Variants in PPP1R12A observed in about 807,000 individuals in gnomAD.
The protein encoded by PPP1R12A is protein phosphatase 1 regulatory subunit 12A, also known as myosin binding subunit.
PPP1R12A carries 19 observed loss-of-function variants against 139.6 expected under a neutral mutation model. The observed-to-expected ratio is 0.14, with a 90% CI of 0.09 to 0.20. The LOEUF (loss-of-function observed/expected upper bound fraction) is 0.20. Ranked by LOEUF, PPP1R12A falls within the 10% of genes least tolerant of loss-of-function variation. The pLI is 1.00. For missense variants in PPP1R12A, 925 were observed against 1,211.5 expected (o/e 0.76, Z 3.51); for synonymous variants, 427 against 420.6 (o/e 1.02, Z -0.19).
intron 3 of PPP1R12A, among the ~76,000 whole-genome samples, chr12:79,842,202 C>T (rs1450965214): frequency 6.6e-6 from 1 of 152,054 alleles, no homozygotes; most frequent in African/African-American, 2.4e-5. Flanking sequence ...CGCCTACAGT[C>T]CCAGCTCCTC....
intron 19 of PPP1R12A, among the ~76,000 whole-genome samples, chr12:79,793,260 G>C (rs998596792): frequency 2.6e-5 from 4 of 152,102 alleles, no homozygotes; most frequent in Non-Finnish European, 4.4e-5. Flanking sequence ...CTTGCTGGCT[G>C]TGCAGCCTTG....
chr12:79,826,337 GTTTT>G (rs34658905), intron 5 of PPP1R12A, among the ~76,000 whole-genome samples: 1 of 117,192 alleles, frequency 8.5e-6, no homozygotes, highest in African/African-American at 3.3e-5. Context: ...ATTGTTTCGG[GTTTT>G]TTTTTTTTTT....
chr12:79,783,935 T>C (rs2136981178), intron 22 of PPP1R12A, among the ~76,000 whole-genome samples: 1 of 152,344 alleles, frequency 6.6e-6, no homozygotes, highest in South Asian at 2.1e-4. Flanking sequence ...AAACTGGTTC[T>C]GGTAAGCTGG....
At chr12:79,909,946 C>T (rs1341335140) in intron 1 of PPP1R12A, among the ~76,000 whole-genome samples, 4 of 151,810 alleles carry the variant, frequency 2.6e-5, no homozygotes, top group Admixed American at 1.3e-4. Context: ...GTGATCCGCC[C>T]GCCTTAGCCT....
chr12:79,924,093 A>C (rs1047900630), intron 1 of PPP1R12A, among the ~76,000 whole-genome samples: 3 of 152,174 alleles, frequency 2.0e-5, no homozygotes, highest in African/African-American at 7.2e-5. Flanking sequence ...GACCCATATA[A>C]AAGCAAGACA....
chr12:79,814,489 AAAAAAAAAAAAG>A (rs1371574997), intron 9 of PPP1R12A, among the ~76,000 whole-genome samples: 3 of 143,854 alleles, frequency 2.1e-5, no homozygotes, highest in Non-Finnish European at 3.0e-5. Flanking sequence ...AAAAAAAAAA[AAAAAAAAAAAAG>A]GACTCCCCCT....
At chr12:79,878,845 G>A (rs1300169187) in intron 1 of PPP1R12A, among the ~76,000 whole-genome samples, 3 of 152,054 alleles carry the variant, frequency 2.0e-5, no homozygotes, top group East Asian at 3.9e-4. Flanking sequence ...TGGGGATTAT[G>A]GGAACTACAA....
At chr12:79,865,181 C>T (rs757022091) in intron 2 of PPP1R12A, among the ~76,000 whole-genome samples, 18 of 152,228 alleles carry the variant, frequency 1.2e-4, no homozygotes, top group Non-Finnish European at 2.1e-4. Context: ...AATTAATAAA[C>T]GTAATCCATC....
At chr12:79,925,992 T>C (rs1887813341) in intron 1 of PPP1R12A, among the ~76,000 whole-genome samples, 1 of 152,054 alleles carries the variant, frequency 6.6e-6, no homozygotes, top group Admixed American at 6.5e-5. Context: ...CTTGAACTTC[T>C]GGGATCAAGT....
Position 79,820,775 on chromosome 12 carries a change from T to G in PPP1R12A, c.1113A>C (p.Thr371=), listed in dbSNP as rs772128703. ...EEDDSESEAE[T]DKTKPLASVT... The stretch of plus-strand genomic sequence containing the variant: ...AATGCATTTATCTTTTAATTTTACC[T>G]GTTTCAGCTTCTGATTCCGAGTCAT... Residue 371 remains threonine, a splice_region_variant and synonymous_variant, in exon 8 of 25, where the codon ACA becomes ACC. Transcript: ENST00000450142. The G allele has an allele frequency of 6.2e-7, 1 of 1,610,002 alleles. No individual in the cohort carries two copies. The highest frequency in any genetic ancestry group is 1.7e-4 in the Middle Eastern group (1 of 6,036).
intron 15 of PPP1R12A, among the ~76,000 whole-genome samples, chr12:79,797,710 T>C (rs1872646495): frequency 6.6e-6 from 1 of 152,180 alleles, no homozygotes; most frequent in Admixed American, 6.5e-5. Flanking sequence ...TGTGTGTATA[T>C]ATATGTGTGT....
At chr12:79,878,136 G>C (rs887216523) in intron 1 of PPP1R12A, among the ~76,000 whole-genome samples, 27 of 150,120 alleles carry the variant, frequency 1.8e-4, no homozygotes, top group Admixed American at 1.6e-3. Context: ...ATATACATAA[G>C]TGAAATTTCA....
intron 9 of PPP1R12A, among the ~76,000 whole-genome samples, chr12:79,813,702 A>G (rs2137083927): frequency 6.6e-6 from 1 of 152,358 alleles, no homozygotes; most frequent in Admixed American, 6.5e-5. Flanking sequence ...GGTTTTATAG[A>G]TAACATCTCC....
intron 10 of PPP1R12A, among the ~76,000 whole-genome samples, chr12:79,809,307 A>G (rs1426215726): frequency 6.6e-6 from 1 of 152,158 alleles, no homozygotes; most frequent in Non-Finnish European, 1.5e-5. Flanking sequence ...GGTACATCCT[A>G]TATAATGCAG....
chr12:79,843,082 C>G (rs1878936072), intron 3 of PPP1R12A, among the ~76,000 whole-genome samples: 1 of 152,070 alleles, frequency 6.6e-6, no homozygotes, highest in Admixed American at 6.6e-5. Flanking sequence ...TGTCACTTAC[C>G]ATAAAGTCCT....
chr12:79,838,122 T>A (rs1878303058), intron 3 of PPP1R12A, among the ~76,000 whole-genome samples: 1 of 152,198 alleles, frequency 6.6e-6, no homozygotes, highest in Non-Finnish European at 1.5e-5. Flanking sequence ...GATAGTGATA[T>A]GGACAATGAA....
chr12:79,805,754 A>G lies in PPP1R12A; in HGVS notation c.1838T>C (p.Leu613Ser), dbSNP rs903367523. The G allele has an allele frequency of 6.8e-6, 11 of 1,612,284 alleles. No homozygotes were observed. Among genetic ancestry groups the G allele is most frequent in the Non-Finnish European group, 6.8e-6 (8 of 1,178,974 alleles). ...TTTCTCAGTACTATCCTCAGCCCACAAACGATTTGAGGTACTATAGCATCA... is the reference window on the plus strand; with the variant it reads ...TTTCTCAGTACTATCCTCAGCCCACGAACGATTTGAGGTACTATAGCATCA... ...AGTQSSTSNR[L>S]WAEDSTEKEK... Residue 613 changes from leucine to serine, a missense_variant, in exon 14 of 25, where the codon TTG becomes TCG. Leu to Ser is a moderately radical substitution (Grantham distance 145). Around this residue, in one of 4 missense-constraint regions of PPP1R12A, gnomAD observed 403 missense variants for 463.7 expected, o/e 0.87. Coordinates refer to ENST00000450142, the MANE Select transcript of PPP1R12A (RefSeq NM_002480.3).
intron 1 of PPP1R12A, among the ~76,000 whole-genome samples, chr12:79,873,830 T>A (rs1219756822): frequency 2.6e-5 from 4 of 152,194 alleles, no homozygotes; most frequent in African/African-American, 9.7e-5. Context: ...GTTGTCTTGA[T>A]GAAAAGCACT....
intron 2 of PPP1R12A, among the ~76,000 whole-genome samples, chr12:79,854,473 G>A (rs986514052): frequency 3.3e-5 from 5 of 151,762 alleles, no homozygotes; most frequent in Admixed American, 2.0e-4. Flanking sequence ...CCCTAATTCC[G>A]CTCTTTAGAT....
Sources: gnomAD v4.1 joint callset for allele counts (sites outside exome capture counted in the v4.1 genomes callset) on GRCh38, gnomAD v4.1.1 for gene constraint, gnomAD v4.1.1 regional missense constraint, MANE v1.5 for transcripts, NCBI Gene and HGNC (gene_info 2026-07-23, HGNC 2026-07-21) for gene names.